PITPNC1: variants seen among roughly 807,000 people sequenced by gnomAD.
The protein encoded by PITPNC1 is phosphatidylinositol transfer protein cytoplasmic 1, also known as cytoplasmic phosphatidylinositol transfer protein 1.
A neutral mutation model predicts 44.7 loss-of-function variants in PITPNC1; 18 were observed. The ratio of observed to expected loss-of-function variants is 0.40; its 90% CI spans 0.28 to 0.60. The LOEUF is 0.60. Among genes scored for constraint, PITPNC1 ranks in the 20% least tolerant of loss-of-function variants. The pLI, the probability that PITPNC1 is intolerant of heterozygous loss-of-function variation, is 0.39. For synonymous variants in PITPNC1, 141 were observed against 149.6 expected (o/e 0.94, Z 0.42); for missense variants, 290 against 418.4 (o/e 0.69, Z 2.68).
At chr17:67,675,718 G>C (rs956952348) in intron 8 of PITPNC1, among the ~76,000 whole-genome samples, 176 bp downstream of exon 8, 2 of 152,138 alleles carry the variant, frequency 1.3e-5, no homozygotes, top group African/African-American at 4.8e-5. Context: ...TAGAAGCTTG[G>C]TCTAAAATAA....
At chr17:67,580,496 G>A (rs58216837) in intron 5 of PITPNC1, among the ~76,000 whole-genome samples, 2,410 of 152,004 alleles carry the variant, frequency 0.016, 60 homozygotes, top group African/African-American at 0.055. Context: ...ACACACAACC[G>A]TGCCCAGCTA....
At chr17:67,461,276 C>T (rs1053981176) in intron 1 of PITPNC1, among the ~76,000 whole-genome samples, 1 of 152,178 alleles carries the variant, frequency 6.6e-6, no homozygotes, top group Non-Finnish European at 1.5e-5. Context: ...TTTGAAAATG[C>T]TTCTATAAAA....
intron 2 of PITPNC1, among the ~76,000 whole-genome samples, chr17:67,546,580 G>C (rs964750146): frequency 1.3e-5 from 2 of 152,220 alleles, no homozygotes; most frequent in Non-Finnish European, 2.9e-5. Flanking sequence ...GGTGTGTCCT[G>C]TGTCGCCTTG....
At chr17:67,522,073 G>T (rs898664023) in intron 1 of PITPNC1, among the ~76,000 whole-genome samples, 4 of 152,134 alleles carry the variant, frequency 2.6e-5, no homozygotes, top group African/African-American at 9.7e-5. Flanking sequence ...GAAGGCCGAG[G>T]CAGGTGCATC....
chr17:67,623,492 G>A (rs907156552), intron 5 of PITPNC1, among the ~76,000 whole-genome samples: 1 of 152,138 alleles, frequency 6.6e-6, no homozygotes, highest in Admixed American at 6.6e-5. Flanking sequence ...CGATTCTCCT[G>A]CCTCACTGAG....
intron 5 of PITPNC1, among the ~76,000 whole-genome samples, chr17:67,625,152 A>T (rs2041880993): frequency 6.6e-6 from 1 of 152,156 alleles, no homozygotes; most frequent in African/African-American, 2.4e-5. Context: ...GTAGAAGGGA[A>T]AGAGGATAAA....
chr17:67,491,558 C>T (rs1036419248), intron 1 of PITPNC1, among the ~76,000 whole-genome samples: 7 of 152,166 alleles, frequency 4.6e-5, no homozygotes, highest in Non-Finnish European at 7.4e-5. Flanking sequence ...TAAAGGATCT[C>T]ACCACTTTGG....
At chr17:67,609,509 C>T (rs931767248) in intron 5 of PITPNC1, among the ~76,000 whole-genome samples, 3 of 151,970 alleles carry the variant, frequency 2.0e-5, no homozygotes, top group Non-Finnish European at 2.9e-5. Context: ...AGGCTGGTCT[C>T]GAACTCATGA....
rs367589087 is a variant in PITPNC1 at position 67,481,849 on chromosome 17, GGACCAATAACAATTC to G, written c.49-50950_49-50936del. Among the ~76,000 whole-genome samples the G allele has an allele frequency of 8.5e-3, 1,286 of 152,012 alleles. 17 individuals are homozygous for G. The highest frequency in any genetic ancestry group is 0.027 in the South Asian group (132 of 4,802). ...GGATTTACAGTCTGATTGAGAAACCGGACCAATAACAATTCGAAGTAGTATATGCAAAAGGCCAGA... is the reference window on the plus strand; with the variant it reads ...GGATTTACAGTCTGATTGAGAAACCGGAAGTAGTATATGCAAAAGGCCAGA... On this transcript the variant is annotated intron_variant, in intron 1 of 8. Coordinates refer to ENST00000581322, the MANE Select transcript of PITPNC1 (RefSeq NM_012417.4).
At chr17:67,387,427 G>C (rs990930462) in intron 1 of PITPNC1, among the ~76,000 whole-genome samples, 3 of 152,070 alleles carry the variant, frequency 2.0e-5, no homozygotes. Flanking sequence ...GCACTTTGGG[G>C]TGCCGAGGCA....
At chr17:67,557,033 CT>C (rs2040846544) in intron 4 of PITPNC1, among the ~76,000 whole-genome samples, 1 of 152,180 alleles carries the variant, frequency 6.6e-6, no homozygotes, top group East Asian at 1.9e-4. Context: ...GAGGCCTGTT[CT>C]GTGTTAGCTC....
chr17:67,499,912 T>C (rs1403839623), intron 1 of PITPNC1, among the ~76,000 whole-genome samples: 2 of 152,244 alleles, frequency 1.3e-5, no homozygotes, highest in African/African-American at 4.8e-5. Flanking sequence ...CGTTAAGCAA[T>C]GCATGACTGT....
chr17:67,618,982 C>A (rs571382245), intron 5 of PITPNC1, among the ~76,000 whole-genome samples: 154 of 152,160 alleles, frequency 1.0e-3, no homozygotes, highest in African/African-American at 3.5e-3. Flanking sequence ...TGGCGTGAAC[C>A]CGGGAGGTGG....
At chr17:67,407,018 G>A (rs2038411100) in intron 1 of PITPNC1, among the ~76,000 whole-genome samples, 2 of 152,324 alleles carry the variant, frequency 1.3e-5, no homozygotes, top group South Asian at 2.1e-4. Flanking sequence ...AGTTCTTTGG[G>A]ATATATACCT....
intron 4 of PITPNC1, among the ~76,000 whole-genome samples, chr17:67,558,628 G>A (rs749894434): frequency 5.9e-5 from 9 of 152,068 alleles, no homozygotes; most frequent in Admixed American, 1.3e-4. Flanking sequence ...TACAGTTGGC[G>A]TATATATTTT....
At chr17:67,459,328 GC>G (rs1360382256) in intron 1 of PITPNC1, among the ~76,000 whole-genome samples, 5 of 152,120 alleles carry the variant, frequency 3.3e-5, no homozygotes. Flanking sequence ...TGTTGGCCAG[GC>G]TGGTCTTGAA....
chr17:67,639,836 G>C (rs957951342), intron 6 of PITPNC1, among the ~76,000 whole-genome samples: 1 of 152,142 alleles, frequency 6.6e-6, no homozygotes. Flanking sequence ...GCTAAGGACC[G>C]GCCCTCAGAA....
chr17:67,378,979 G>T lies in PITPNC1; in HGVS notation c.48+777G>T, dbSNP rs566955530. ...GGGCGGGGGCTCGTCCTCCAAGCGC[G>T]GCTCTGCTGTCCTTCTCCCGATCCT... On this transcript the variant is annotated intron_variant, in intron 1 of 8. Transcript: ENST00000581322. The T allele has an allele frequency of 4.7e-5, 46 of 985,360 alleles. 1 individual carries two copies. The East Asian group carries it at 3.3e-3, about 71-fold the overall frequency. The allele number at this position is 985,360 out of a possible 1,614,324, so 61.0% of individuals were successfully genotyped here.
intron 1 of PITPNC1, among the ~76,000 whole-genome samples, chr17:67,477,116 C>T (rs979771397): frequency 6.6e-6 from 1 of 152,164 alleles, no homozygotes; most frequent in African/African-American, 2.4e-5. Context: ...GTCTCTGTCA[C>T]CAGGGCTGGA....
Sources: gnomAD v4.1 joint callset for allele counts (sites outside exome capture counted in the v4.1 genomes callset) on GRCh38, gnomAD v4.1.1 for gene constraint, MANE v1.5 for transcripts, NCBI Gene and HGNC (gene_info 2026-07-23, HGNC 2026-07-21) for gene names.